DNAH14: variants seen among roughly 807,000 people sequenced by gnomAD.
The protein encoded by DNAH14 is axonemal beta dynein heavy chain 14.
In DNAH14, 478 loss-of-function variants were observed where a neutral mutation model predicts 520.9. That is an observed-to-expected ratio of 0.92 (90% CI 0.85 to 0.99). The LOEUF is 0.99. Ranked by LOEUF, DNAH14 falls within the 50% of genes least tolerant of loss-of-function variation. DNAH14 has a pLI of 0.00. For missense variants in DNAH14, 4,831 were observed against 5,234.5 expected, an observed-to-expected ratio of 0.92 and a Z score of 2.38; for synonymous variants, 1,581 against 1,757.2, an observed-to-expected ratio of 0.90 and a Z score of 2.51.
chr1:225,137,463 C>G (rs1342878772), intron 27 of DNAH14, among the ~76,000 whole-genome samples: 1 of 152,176 alleles, frequency 6.6e-6, no homozygotes, highest in Non-Finnish European at 1.5e-5. Context: ...GCTAGTCATT[C>G]TCCTGCCTCA....
chr1:225,161,880 G>T (rs541943984), intron 35 of DNAH14, among the ~76,000 whole-genome samples: 5 of 152,230 alleles, frequency 3.3e-5, no homozygotes, highest in African/African-American at 1.2e-4. Flanking sequence ...AGAATTGTTT[G>T]AGCTCCTTAT....
intron 8 of DNAH14, among the ~76,000 whole-genome samples, chr1:225,000,945 G>A (rs900541951): frequency 2.0e-5 from 3 of 152,144 alleles, no homozygotes; most frequent in African/African-American, 7.2e-5. Context: ...CTCCATGGAG[G>A]CATTAAGGGT....
intron 3 of DNAH14, among the ~76,000 whole-genome samples, chr1:224,957,927 A>T (rs1326670234): frequency 2.0e-5 from 3 of 152,164 alleles, no homozygotes; most frequent in African/African-American, 7.2e-5. Context: ...TTGAGGCAGG[A>T]GCTGCTTGGA....
chr1:225,392,239 A>G (rs2095926126), intron 83 of DNAH14, 52 bp from the exon 84 acceptor site: 3 of 1,541,074 alleles, frequency 1.9e-6, no homozygotes, highest in Admixed American at 2.0e-5. Context: ...TAACCCCAGC[A>G]GGAGGCCCTG....
chr1:225,167,208 A>G (rs1305684833), intron 35 of DNAH14, among the ~76,000 whole-genome samples: 2 of 152,168 alleles, frequency 1.3e-5, no homozygotes, highest in East Asian at 3.8e-4. Flanking sequence ...GTACAGTCCT[A>G]CTGAGTATTT....
At chr1:225,378,773 C>T (rs1006578017) in intron 79 of DNAH14, among the ~76,000 whole-genome samples, 14 of 150,292 alleles carry the variant, frequency 9.3e-5, no homozygotes, top group African/African-American at 2.4e-4. Flanking sequence ...CCCAGCTACT[C>T]GGGAGGCTGA....
Position 225,381,421 on chromosome 1 carries a change from T to C in DNAH14, c.12919T>C (p.Leu4307=), listed in dbSNP as rs2095782071. The change falls in exon 81 of 86, where the codon TTG becomes CTG. Residue 4307 remains leucine (L), a synonymous_variant. Transcript: ENST00000682510. ...TATCCATTGTGTCTTGCTAACCTTT[T>C]TGAAGCAAGAAATTAAACGATTTGA... ...PLIHCVLLTF[L]KQEIKRFDKL... 6 of 1,550,168 alleles carry C rather than the reference T, an allele frequency of 3.9e-6. No homozygotes were observed. Among genetic ancestry groups the C allele is most frequent in the African/African-American group, 2.7e-5 (2 of 72,946 alleles).
chr1:224,967,526 T>A lies in DNAH14; in HGVS notation c.594T>A (p.Ala198=). 6.2e-7 allele frequency: 1 copy of A among 1,605,288 alleles called. No homozygotes were observed. The highest frequency in any genetic ancestry group is 8.5e-7 in the Non-Finnish European group (1 of 1,176,560). The change falls in exon 6 of 86, where the codon GCT becomes GCA. Residue 198 remains alanine (A), a synonymous_variant. Transcript: ENST00000682510. ...CATATGATCTTCAGGTAGTATCGGCTCATACTGCTAAACATTGCAAAGAAT... is the reference window on the plus strand; with the variant it reads ...CATATGATCTTCAGGTAGTATCGGCACATACTGCTAAACATTGCAAAGAAT... ...YNPYDLQVVS[A]HTAKHCKEFW... is the part of the protein sequence containing the mutation.
chr1:225,007,869 A>G (rs1013988540), intron 10 of DNAH14, among the ~76,000 whole-genome samples: 1 of 151,942 alleles, frequency 6.6e-6, no homozygotes, highest in South Asian at 2.1e-4. Flanking sequence ...AGAAGGCCTG[A>G]TAAAACAAGA....
chr1:225,158,926 G>A (rs908667653), intron 34 of DNAH14, among the ~76,000 whole-genome samples: 1 of 152,128 alleles, frequency 6.6e-6, no homozygotes, highest in African/African-American at 2.4e-5. Flanking sequence ...AGATGATTTT[G>A]GCCATTGTTC....
chr1:225,315,413 T>A (rs927973419), intron 60 of DNAH14, among the ~76,000 whole-genome samples: 1 of 152,036 alleles, frequency 6.6e-6, no homozygotes, highest in African/African-American at 2.4e-5. Flanking sequence ...GAGTTTCTTA[T>A]TACCCACCTT....
chr1:225,338,515 G>A (rs917983064), intron 68 of DNAH14, among the ~76,000 whole-genome samples: 2 of 151,846 alleles, frequency 1.3e-5, no homozygotes, highest in Non-Finnish European at 2.9e-5. Flanking sequence ...CTTTTATTTG[G>A]GCGAGAAAAG....
chr1:225,191,278 G>T (rs1235222244), intron 37 of DNAH14, among the ~76,000 whole-genome samples: 1 of 151,866 alleles, frequency 6.6e-6, no homozygotes, highest in Non-Finnish European at 1.5e-5. Context: ...GAACTATTTA[G>T]CTTCTGTTTA....
At chr1:225,051,966 A>G (rs1029687951) in intron 17 of DNAH14, among the ~76,000 whole-genome samples, 171 bp downstream of exon 17, 1 of 152,220 alleles carries the variant, frequency 6.6e-6, no homozygotes, top group Non-Finnish European at 1.5e-5. Flanking sequence ...AATGTGTATT[A>G]CATTTGTTTG....
intron 7 of DNAH14, among the ~76,000 whole-genome samples, chr1:224,972,237 A>G (rs186057059): frequency 6.6e-6 from 1 of 152,190 alleles, no homozygotes; most frequent in South Asian, 2.1e-4. Context: ...ATTTGTACTT[A>G]ATTTTATATT....
chr1:225,308,234 G>A, intron 59 of DNAH14, 51 bp from the exon 60 acceptor site: 3 of 1,491,744 alleles, frequency 2.0e-6, no homozygotes, highest in Non-Finnish European at 2.7e-6. Flanking sequence ...TTTTAGAAAA[G>A]AGATCATGTC....
chr1:225,054,656 A>G (rs1257736489), intron 17 of DNAH14, among the ~76,000 whole-genome samples: 1 of 152,120 alleles, frequency 6.6e-6, no homozygotes, highest in African/African-American at 2.4e-5. Context: ...TTTCCTACAT[A>G]TAGTTAGCTT....
intron 41 of DNAH14, among the ~76,000 whole-genome samples, chr1:225,230,238 T>G (rs1400978378): frequency 6.6e-6 from 1 of 152,112 alleles, no homozygotes; most frequent in Non-Finnish European, 1.5e-5. Context: ...CTTAATAAAT[T>G]ATGATGCAAC....
chr1:225,351,455 A>G (rs2095365516), intron 71 of DNAH14, among the ~76,000 whole-genome samples, 192 bp from the exon 72 acceptor site: 1 of 152,164 alleles, frequency 6.6e-6, no homozygotes, highest in South Asian at 2.1e-4. Flanking sequence ...AATAAAAACA[A>G]TTACCTCTTA....
Sources: allele counts gnomAD v4.1 joint callset (sites outside exome capture counted in the v4.1 genomes callset), GRCh38; gene constraint gnomAD v4.1.1; transcripts MANE v1.5; gene names NCBI Gene and HGNC (gene_info 2026-07-23, HGNC 2026-07-21).